Variants in MTFR1 observed in about 807,000 individuals in gnomAD.
The protein encoded by MTFR1 is mitochondrial fission regulator 1.
MTFR1 carries 28 observed loss-of-function variants against 38.8 expected under a neutral mutation model. The observed-to-expected ratio is 0.72, with a 90% CI of 0.53 to 0.99. The LOEUF is 0.99. MTFR1 is among the 50% of genes least tolerant of loss of function. MTFR1 has a pLI of 0.00. For missense variants in MTFR1, 358 were observed against 395.5 expected (o/e 0.91, Z 0.81); for synonymous variants, 145 against 137.0 (o/e 1.06, Z -0.41).
chr8:65,772,969 C>G (rs1174321407), downstream of MTFR1, among the ~76,000 whole-genome samples: 1 of 152,048 alleles, frequency 6.6e-6, no homozygotes, highest in Admixed American at 6.5e-5. Context: ...GATCGTGCCA[C>G]TGCACTCCAG....
chr8:65,718,001 C>A (rs1396423817), intron 2 of MTFR1: 1 of 152,186 alleles, frequency 6.6e-6, no homozygotes, highest in African/African-American at 2.4e-5. Flanking sequence ...TAGAAAACAT[C>A]TGTTCACATC....
downstream of MTFR1, among the ~76,000 whole-genome samples, chr8:65,771,790 G>T (rs892448552): frequency 5.4e-5 from 8 of 148,042 alleles, no homozygotes. Context: ...CAGGAGAATC[G>T]CTTGAACCTG....
intron 3 of MTFR1, chr8:65,747,610 C>T: frequency 7.3e-7 from 1 of 1,373,234 alleles, no homozygotes; most frequent in South Asian, 1.3e-5. Context: ...CTTCAGTAAA[C>T]TTATCAAAAA....
chr8:65,744,855 C>T (rs577833688), intron 3 of MTFR1, among the ~76,000 whole-genome samples: 5 of 152,104 alleles, frequency 3.3e-5, no homozygotes, highest in Non-Finnish European at 7.4e-5. Context: ...ATAATCAAAA[C>T]ATAAAATTAT....
At chr8:65,727,618 T>G (rs747967084) in intron 3 of MTFR1, 1 of 212,576 alleles carries the variant, frequency 4.7e-6, no homozygotes. Context: ...TGAGAAATAA[T>G]GGCTTTAAAA....
intron 3 of MTFR1, among the ~76,000 whole-genome samples, chr8:65,767,021 A>G (rs572272541): frequency 5.9e-5 from 9 of 152,124 alleles, no homozygotes; most frequent in Non-Finnish European, 1.0e-4. Flanking sequence ...AACAACAACA[A>G]CAACAACAAC....
chr8:65,754,565 T>C (rs1808125845), intron 3 of MTFR1, among the ~76,000 whole-genome samples: 1 of 151,212 alleles, frequency 6.6e-6, no homozygotes. Flanking sequence ...CTCGAACTCC[T>C]GACCTTGTGA....
intron 1 of MTFR1, among the ~76,000 whole-genome samples, chr8:65,668,898 TC>T: frequency 6.6e-6 from 1 of 152,250 alleles, no homozygotes; most frequent in Middle Eastern, 3.4e-3. Flanking sequence ...GACCAACACT[TC>T]CAGTAAACTC....
chr8:65,768,708 C>T (rs897216370), intron 3 of MTFR1, among the ~76,000 whole-genome samples: 1 of 152,154 alleles, frequency 6.6e-6, no homozygotes, highest in Non-Finnish European at 1.5e-5. Flanking sequence ...AGAAAATACT[C>T]CAAGAATGTT....
intron 3 of MTFR1, among the ~76,000 whole-genome samples, chr8:65,745,060 T>G (rs887620622): frequency 6.6e-6 from 1 of 152,160 alleles, no homozygotes; most frequent in Non-Finnish European, 1.5e-5. Context: ...GTTCTTGTGG[T>G]AGTGGATAAG....
rs1476338620 is a variant in MTFR1 at position 65,645,694 on chromosome 8, C to CA, written c.-81+910_-81+911insA. Among the ~76,000 whole-genome samples, 13 of 95,750 alleles carry CA rather than the reference C, an allele frequency of 1.4e-4. 1 individual carries two copies. In the East Asian group the frequency reaches 2.8e-3, roughly 21 times the overall value. 62.8% of individuals were successfully genotyped at this position (95,750 alleles called of 152,430 possible). ...GCAGGCGCCATCACGCCCGGCTTTC[C>CA]CCCCCCCCCCCCTTTGTAGAGATGG... On this transcript the variant is annotated intron_variant, in intron 1 of 7. Transcript: ENST00000262146.
At chr8:65,669,507 G>A (rs1804500114) in intron 1 of MTFR1, among the ~76,000 whole-genome samples, 1 of 151,634 alleles carries the variant, frequency 6.6e-6, no homozygotes, top group Admixed American at 6.6e-5. Flanking sequence ...GTTACTTTAA[G>A]CAAGCTGATC....
intron 3 of MTFR1, among the ~76,000 whole-genome samples, chr8:65,731,995 G>T (rs1002553694): frequency 3.3e-5 from 5 of 151,352 alleles, no homozygotes; most frequent in Non-Finnish European, 5.9e-5. Context: ...TATTGTTGTT[G>T]TTGTTGTTGT....
At chr8:65,693,815 ATAT>A (rs1465533578) in intron 4 of MTFR1, 56 bp downstream of exon 4, 1 of 1,355,980 alleles carries the variant, frequency 7.4e-7, no homozygotes, top group African/African-American at 1.4e-5. Context: ...TTAAAGAATG[ATAT>A]TATTTGCAGT....
At chr8:65,682,529 C>A in intron 3 of MTFR1, 78 bp downstream of exon 3, 14 of 840,906 alleles carry the variant, frequency 1.7e-5, no homozygotes, top group East Asian at 4.1e-5. Context: ...GTTTTAAAAG[C>A]ATTTTGTTTT....
intron 2 of MTFR1, among the ~76,000 whole-genome samples, chr8:65,675,355 G>A (rs1272426669): frequency 6.6e-6 from 1 of 151,894 alleles, no homozygotes; most frequent in African/African-American, 2.4e-5. Flanking sequence ...CAGCACTTTG[G>A]GAGGCCGAGG....
intron 4 of MTFR1, among the ~76,000 whole-genome samples, chr8:65,699,128 A>G (rs918849613): frequency 2.6e-5 from 4 of 152,182 alleles, no homozygotes; most frequent in African/African-American, 9.7e-5. Context: ...TTTGCTTAGG[A>G]TAATGGCTTC....
At chr8:65,759,065 A>G (rs1808370636) in intron 3 of MTFR1, among the ~76,000 whole-genome samples, 1 of 151,980 alleles carries the variant, frequency 6.6e-6, no homozygotes, top group South Asian at 2.1e-4. Flanking sequence ...CCCCAGATCC[A>G]CTCATTCCAT....
At chr8:65,657,980 T>C (rs1020214341) in intron 1 of MTFR1, among the ~76,000 whole-genome samples, 2 of 152,196 alleles carry the variant, frequency 1.3e-5, no homozygotes, top group Admixed American at 1.3e-4. Flanking sequence ...AAATGTGGAC[T>C]GTCATCTGTG....
Sources: allele counts gnomAD v4.1 joint callset (sites outside exome capture counted in the v4.1 genomes callset), GRCh38; gene constraint gnomAD v4.1.1; transcripts MANE v1.5; gene names NCBI Gene and HGNC (gene_info 2026-07-23, HGNC 2026-07-21).